Variants in DYNC1H1 observed in about 807,000 individuals in gnomAD.
DYNC1H1 encodes dynein cytoplasmic 1 heavy chain 1.
DYNC1H1 carries 51 observed loss-of-function variants against 527.1 expected under a neutral mutation model. The observed-to-expected ratio is 0.10, with a 90% CI of 0.08 to 0.12. DYNC1H1 has a LOEUF of 0.12. DYNC1H1 is among the 10% of genes least tolerant of loss of function. The pLI is 1.00. For synonymous variants in DYNC1H1, 2,189 were observed against 2,278.8 expected, an observed-to-expected ratio of 0.96 and a Z score of 1.12; for missense variants, 2,771 against 5,971.8, an observed-to-expected ratio of 0.46 and a Z score of 17.66.
chr14:102,042,583 A>G lies in DYNC1H1; in HGVS notation c.12400-52A>G, dbSNP rs1293188060. The G allele has an allele frequency of 6.2e-7, 1 of 1,613,778 alleles. No individual in the cohort carries two copies. ...GTCGGCACGTGTGTGGTGGAATTGA[A>G]CAGGCGCCCTCATCCACACCCGAGC... is the stretch of plus-strand genomic sequence containing the variant. On this transcript the variant is annotated intron_variant, in intron 68 of 77. Coordinates refer to ENST00000360184, the MANE Select transcript of DYNC1H1 (RefSeq NM_001376.5). The surrounding 1 kb of genome is among the most constrained non-coding windows in gnomAD (Gnocchi z 5.7).
chr14:102,001,007 G>C lies in DYNC1H1; in HGVS notation c.4128G>C (p.Arg1376=). Residue 1376 remains arginine (R), a synonymous_variant, in exon 19 of 78, where the codon CGG becomes CGC. Coordinates refer to ENST00000360184, the MANE Select transcript of DYNC1H1 (RefSeq NM_001376.5). The surrounding 1 kb of genome is among the most constrained non-coding windows in gnomAD (Gnocchi z 5.0). ...ACCAGCTGAAAAGCTTCCCTGCCCGGTTGCGACAGTATGCGTCCTATGAGT... is the reference window on the plus strand; with the variant it reads ...ACCAGCTGAAAAGCTTCCCTGCCCGCTTGCGACAGTATGCGTCCTATGAGT... ...LLNQLKSFPA[R]LRQYASYEFV... is the part of the protein sequence containing the mutation. 1 of 1,614,244 alleles carries C rather than the reference G, an allele frequency of 6.2e-7. No individual in the cohort carries two copies.
chr14:102,009,707 G>A, intron 29 of DYNC1H1, 136 bp from the exon 30 acceptor site: 1 of 1,391,804 alleles, frequency 7.2e-7, no homozygotes, highest in Non-Finnish European at 9.8e-7. Context: ...AGGCCAAAGA[G>A]CAGCCCCCGA....
In DYNC1H1 at chr14:102,005,503, C is replaced by T. The variant is rs2048187018; in HGVS notation, c.5433+267C>T. On this transcript the variant is annotated intron_variant, in intron 26 of 77. Transcript: ENST00000360184. This position sits in a 1 kb window ranked among gnomAD's most constrained non-coding sequence, Gnocchi z 4.0. ...CTCTTGCTCTTTCCTGTCATCTCCC[C>T]AGAGAGGTGGCCACAGCAGTGCTAA... 6.6e-6 allele frequency among the ~76,000 whole-genome samples: 1 copy of T among 152,190 alleles called. No homozygotes were observed. Among genetic ancestry groups the T allele is most frequent in the Non-Finnish European group, 1.5e-5 (1 of 68,042 alleles).
In DYNC1H1 at chr14:101,988,741, G is replaced by A; in HGVS notation, c.2757G>A (p.Leu919=). The A allele has an allele frequency of 6.2e-7, 1 of 1,614,198 alleles. No individual in the cohort carries two copies. Among genetic ancestry groups the A allele is most frequent in the South Asian group, 1.1e-5 (1 of 91,084 alleles). Reference sequence around the variant, plus strand: ...TGGGCGTCCGTCTGCAAGCTGGCCTGAGAGCTTGGACGCAGGTTCTTCTTG... The same window carrying A: ...TGGGCGTCCGTCTGCAAGCTGGCCTAAGAGCTTGGACGCAGGTTCTTCTTG... ...RILGVRLQAG[L]RAWTQVLLGQ... Residue 919 remains leucine (L), a synonymous_variant, in exon 10 of 78, where the codon CTG becomes CTA. Coordinates refer to ENST00000360184, the MANE Select transcript of DYNC1H1 (RefSeq NM_001376.5).
At chr14:101,999,764 T>C (rs1160521580) in intron 16 of DYNC1H1, among the ~76,000 whole-genome samples, 1 of 152,228 alleles carries the variant, frequency 6.6e-6, no homozygotes, top group Non-Finnish European at 1.5e-5. Flanking sequence ...CAAGAGATGC[T>C]CCACCATTCT....
chr14:101,964,600 G>A lies in DYNC1H1; in HGVS notation c.-92G>A, dbSNP rs1188299970. 2.6e-6 allele frequency: 4 copies of A among 1,529,098 alleles called. No homozygotes were observed. The highest frequency in any genetic ancestry group is 3.9e-5 in the Admixed American group (2 of 50,988). 94.7% of individuals were successfully genotyped at this position (1,529,098 alleles called of 1,614,324 possible). On this transcript the variant is annotated 5_prime_UTR_variant, in exon 1 of 78. Transcript: ENST00000360184. The surrounding 1 kb of genome is among the most constrained non-coding windows in gnomAD (Gnocchi z 5.5). ...TCTGCGGTGGGCTAGCGGACGGTCC[G>A]GCTTCCGGCGGCCGTTTCTGTCTCT...
At chr14:102,019,482 A>C (rs1383457001) in intron 41 of DYNC1H1, among the ~76,000 whole-genome samples, 1 of 152,204 alleles carries the variant, frequency 6.6e-6, no homozygotes, top group African/African-American at 2.4e-5. Context: ...GTATTTTCAG[A>C]AGGATTTTTT....
chr14:101,969,184 ATTT>A (rs33934050), intron 1 of DYNC1H1, among the ~76,000 whole-genome samples: 7 of 139,216 alleles, frequency 5.0e-5, no homozygotes, highest in African/African-American at 1.3e-4. Context: ...CACCTGGTTA[ATTT>A]TTTTTTTTTT....
At chr14:102,023,033 CA>C in intron 43 of DYNC1H1, 153 bp downstream of exon 43, 2 of 1,219,842 alleles carry the variant, frequency 1.6e-6, no homozygotes, top group East Asian at 5.5e-5. Context: ...GAGGCTGAGG[CA>C]GGAGGATCAC....
chr14:102,016,685 C>A lies in DYNC1H1; in HGVS notation c.7615-81C>A. 2 of 1,554,322 alleles carry A rather than the reference C, an allele frequency of 1.3e-6. No homozygotes were observed. The highest frequency in any genetic ancestry group is 2.3e-5 in the South Asian group (2 of 85,984). Reference sequence around the variant, plus strand: ...CAATTACTTCCTTGTTCTGAAAGTTCAAGTTTGTGTTCAGGTAAACAAACC... The same window carrying A: ...CAATTACTTCCTTGTTCTGAAAGTTAAAGTTTGTGTTCAGGTAAACAAACC... On this transcript the variant is annotated intron_variant, in intron 37 of 77. Transcript: ENST00000360184. The surrounding 1 kb of genome is among the most constrained non-coding windows in gnomAD (Gnocchi z 7.3).
Position 102,027,234 on chromosome 14 carries a change from T to C in DYNC1H1, c.8832T>C (p.Thr2944=). ...TTGGTGTTAGTGGAGCAGGAAAAAC[T>C]ACCCTGTCTCGTTTCGTCGCCTGGA... ...LLIGVSGAGK[T]TLSRFVAWMN... The change falls in exon 45 of 78, where the codon ACT becomes ACC. Residue 2944 remains threonine (T), a synonymous_variant. Coordinates refer to ENST00000360184, the MANE Select transcript of DYNC1H1 (RefSeq NM_001376.5). The surrounding 1 kb of genome is among the most constrained non-coding windows in gnomAD (Gnocchi z 7.7). The C allele has an allele frequency of 1.9e-6, 3 of 1,614,140 alleles. No individual in the cohort carries two copies. The highest frequency in any genetic ancestry group is 1.7e-5 in the Admixed American group (1 of 60,020).
chr14:102,037,389 A>G (rs1188170064), intron 57 of DYNC1H1: 1 of 148,258 alleles, frequency 6.7e-6, no homozygotes, highest in Non-Finnish European at 1.5e-5. Context: ...GTGCCACTGC[A>G]CTCCAGCCTG....
At position 102,017,872 on chromosome 14, in the gene DYNC1H1, C is replaced by G. The variant is rs571378493; in HGVS notation, c.8177+368C>G. On this transcript the variant is annotated intron_variant, in intron 40 of 77. Coordinates refer to ENST00000360184, the MANE Select transcript of DYNC1H1 (RefSeq NM_001376.5). This position sits in a 1 kb window ranked among gnomAD's most constrained non-coding sequence, Gnocchi z 4.6. Reference sequence around the variant, plus strand: ...CTGTAATCCCAGCACTTTGGGAGGCCGAAGCGGGCAGATCACGAGGTCAGG... The same window carrying G: ...CTGTAATCCCAGCACTTTGGGAGGCGGAAGCGGGCAGATCACGAGGTCAGG... 2 of 340,686 alleles carry G rather than the reference C, an allele frequency of 5.9e-6. No homozygotes were observed. The highest frequency in any genetic ancestry group is 1.1e-5 in the Non-Finnish European group (2 of 176,092). 21.1% of individuals were successfully genotyped at this position (340,686 alleles called of 1,614,324 possible).
chr14:102,028,433 T>C (rs1178536404), intron 48 of DYNC1H1: 2 of 390,306 alleles, frequency 5.1e-6, no homozygotes, highest in East Asian at 6.2e-5. Context: ...GAGGATCACT[T>C]AAGCCCAGGA....
In DYNC1H1 at chr14:102,010,263, T is replaced by G; in HGVS notation, c.6222-13T>G. 6.2e-7 allele frequency: 1 copy of G among 1,613,724 alleles called. No homozygotes were observed. The highest frequency in any genetic ancestry group is 8.5e-7 in the Non-Finnish European group (1 of 1,180,012). ...ACTGTTATTAAAGATAGCCTTTTTT[T>G]CTTCTTTTCTAGACTATGCGATGAG... On this transcript the variant is annotated splice_polypyrimidine_tract_variant and intron_variant, in intron 30 of 77. Coordinates refer to ENST00000360184, the MANE Select transcript of DYNC1H1 (RefSeq NM_001376.5). The surrounding 1 kb of genome is among the most constrained non-coding windows in gnomAD (Gnocchi z 6.0).
chr14:102,023,278 C>T (rs902746138), intron 43 of DYNC1H1: 41 of 339,610 alleles, frequency 1.2e-4, no homozygotes, highest in Admixed American at 4.2e-4. Flanking sequence ...CAGCCGGGCG[C>T]GGTGGCTCAT....
chr14:102,035,328 G>A (rs1216308235), intron 56 of DYNC1H1: 3 of 152,276 alleles, frequency 2.0e-5, no homozygotes, highest in African/African-American at 4.8e-5. Context: ...GCTAGTTAAA[G>A]GGGAAGTACT....
At position 102,055,997 on chromosome 14, in the gene DYNC1H1, GAC is replaced by G. The variant is rs1293042089; in HGVS notation, c.*5438_*5439del. 1 of 152,344 alleles carries G rather than the reference GAC, an allele frequency of 6.6e-6. No homozygotes were observed. Among genetic ancestry groups the G allele is most frequent in the African/African-American group, 2.4e-5 (1 of 41,566 alleles). 9.4% of individuals were successfully genotyped at this position (152,344 alleles called of 1,614,324 possible). A position where few individuals can be genotyped will look rare whatever the true frequency, so the allele number is the denominator to read the frequency against. ...GTCAAGGTTGAGGACGCGCACCCAT[GAC>G]ACAGCCTCAGGAGGTCCTGACTGGG... is the stretch of plus-strand genomic sequence containing the variant. On this transcript the variant is annotated 3_prime_UTR_variant, in exon 78 of 78. Coordinates refer to ENST00000360184, the MANE Select transcript of DYNC1H1 (RefSeq NM_001376.5).
Position 102,012,216 on chromosome 14 carries a change from G to A in DYNC1H1, c.6858-98G>A. ...ACGTTATTTTTCAACCAAAGTCTGA[G>A]CAAATTAAAGGTCATTTCAGAAACC... On this transcript the variant is annotated intron_variant, in intron 33 of 77. Transcript: ENST00000360184. This position sits in a 1 kb window ranked among gnomAD's most constrained non-coding sequence, Gnocchi z 4.9. The A allele has an allele frequency of 6.2e-7, 1 of 1,612,180 alleles. No individual in the cohort carries two copies. The highest frequency in any genetic ancestry group is 8.5e-7 in the Non-Finnish European group (1 of 1,178,576).
Sources: gnomAD v4.1 joint callset for allele counts (sites outside exome capture counted in the v4.1 genomes callset) on GRCh38, gnomAD v4.1.1 for gene constraint, Gnocchi (gnomAD v3.1) non-coding constraint, MANE v1.5 for transcripts, NCBI Gene and HGNC (gene_info 2026-07-23, HGNC 2026-07-21) for gene names.